NUTM2G: variants seen among roughly 807,000 people sequenced by gnomAD.
NUTM2G encodes the protein family with sequence similarity 22, member G.
In NUTM2G, 29 loss-of-function variants were observed where a neutral mutation model predicts 44.3. That is an observed-to-expected ratio of 0.66 (90% CI 0.49 to 0.89). The LOEUF is 0.89. Among genes scored for constraint, NUTM2G ranks in the 40% least tolerant of loss-of-function variants. NUTM2G has a pLI of 0.00. For missense variants in NUTM2G, 502 were observed against 946.5 expected, an observed-to-expected ratio of 0.53 and a Z score of 6.16; for synonymous variants, 205 against 395.9, an observed-to-expected ratio of 0.52 and a Z score of 5.72.
At chr9:96,940,827 T>C (rs1259516595), downstream of NUTM2G, among the ~76,000 whole-genome samples, 2 of 152,274 alleles carry the variant, frequency 1.3e-5, no homozygotes, top group African/African-American at 2.4e-5. Context: ...GCCAGACAGA[T>C]GCCTCTCTGC....
At chr9:96,933,041 G>T (rs572723893) in intron 2 of NUTM2G, among the ~76,000 whole-genome samples, 9 of 147,968 alleles carry the variant, frequency 6.1e-5, no homozygotes, top group Admixed American at 6.1e-4. Context: ...GCAGTGGCGT[G>T]ATCTCGGCTC....
At chr9:96,930,872 GTTTTTTTTTTTTTTTTT>G (rs1168888338) in intron 1 of NUTM2G, among the ~76,000 whole-genome samples, 152 of 72,652 alleles carry the variant, frequency 2.1e-3, no homozygotes, top group Middle Eastern at 7.8e-3. Context: ...CCATCCAGTG[GTTTTTTTTTTTTTTTTT>G]TTTTTTTTTT....
At chr9:96,935,990 C>T (rs942548395) in intron 3 of NUTM2G, among the ~76,000 whole-genome samples, 8 of 149,922 alleles carry the variant, frequency 5.3e-5, no homozygotes, top group Non-Finnish European at 7.4e-5. Context: ...GCCCTGTCCT[C>T]TGGGCTCAGC....
rs1325764880 is a variant in NUTM2G, at chr9:96,937,107, C to T, written c.1026C>T (p.Cys342=). 2 of 1,611,416 alleles carry T rather than the reference C, an allele frequency of 1.2e-6. No individual in the cohort carries two copies. Among genetic ancestry groups the T allele is most frequent in the African/African-American group, 1.3e-5 (1 of 74,942 alleles). ...SKDGPKAPTA[C]LPPPRPQRPA... ...ATGGCCCCAAGGCCCCGACTGCCTGCCTGCCACCACCCAGGCCCCAGAGGC... is the reference window on the plus strand; with the variant it reads ...ATGGCCCCAAGGCCCCGACTGCCTGTCTGCCACCACCCAGGCCCCAGAGGC... The change falls in exon 5 of 7, where the codon TGC becomes TGT. Residue 342 remains cysteine, a synonymous_variant. Coordinates refer to ENST00000372322, the MANE Select transcript of NUTM2G (RefSeq NM_001170741.3).
In NUTM2G at chr9:96,936,493, G is replaced by A; in HGVS notation, c.911G>A (p.Ser304Asn). The change falls in exon 4 of 7, where the codon AGC becomes AAC. Residue 304 changes from serine (S) to asparagine (N), a missense_variant. Coordinates refer to ENST00000372322, the MANE Select transcript of NUTM2G (RefSeq NM_001170741.3). ...TCGCAGTGGATGAAGGGGCCCCAGAGCCTGCCTCCTCCAGCCCCGCCGAGG... is the reference window on the plus strand; with the variant it reads ...TCGCAGTGGATGAAGGGGCCCCAGAACCTGCCTCCTCCAGCCCCGCCGAGG... ...QKSQWMKGPQ[S>N]LPPPAPPRLE... 1.3e-6 allele frequency: 2 copies of A among 1,553,782 alleles called. No homozygotes were observed. Among genetic ancestry groups the A allele is most frequent in the Non-Finnish European group, 8.6e-7 (1 of 1,157,282 alleles).
intron 1 of NUTM2G, among the ~76,000 whole-genome samples, chr9:96,930,250 C>T (rs1194548636): frequency 2.6e-5 from 4 of 152,064 alleles, no homozygotes; most frequent in South Asian, 2.1e-4. Flanking sequence ...CCTGGCCGGG[C>T]GCGGTGGCTC....
At chr9:96,929,081 C>A (rs1461697226) in intron 1 of NUTM2G, 41 bp downstream of exon 1, 2 of 1,610,866 alleles carry the variant, frequency 1.2e-6, no homozygotes, top group Admixed American at 1.7e-5. Flanking sequence ...GTCTGCCTTG[C>A]CTCAACTCCT....
chr9:96,938,632 C>T lies in NUTM2G; in HGVS notation c.1709C>T (p.Pro570Leu). ...PAVLLGCQDS[P>L]RLKAVRPTSP... Reference sequence around the variant, plus strand: ...GTGCTTTTGGGATGTCAGGACTCCCCCAGGCTGAAGGCTGTCCGGCCAACC... The same window carrying T: ...GTGCTTTTGGGATGTCAGGACTCCCTCAGGCTGAAGGCTGTCCGGCCAACC... The change falls in exon 7 of 7, where the codon CCC becomes CTC. Residue 570 changes from proline to leucine, a missense_variant. Transcript: ENST00000372322. 1 of 1,600,348 alleles carries T rather than the reference C, an allele frequency of 6.2e-7. No homozygotes were observed. The highest frequency in any genetic ancestry group is 1.5e-5 in the African/African-American group (1 of 67,290).
chr9:96,936,684 G>C (rs1826442999), intron 4 of NUTM2G, 120 bp downstream of exon 4: 14 of 1,463,854 alleles, frequency 9.6e-6, no homozygotes, highest in Non-Finnish European at 1.3e-5. Context: ...CAACAGGACA[G>C]CTTCCGGGAC....
intron 4 of NUTM2G, among the ~76,000 whole-genome samples, 160 bp from the exon 5 acceptor site, chr9:96,936,904 G>T (rs1457796031): frequency 3.9e-5 from 6 of 152,224 alleles, no homozygotes; most frequent in Admixed American, 2.0e-4. Context: ...TGCTGTCTCA[G>T]ATGTGCCCCT....
At chr9:96,942,930 T>C (rs1159524645), downstream of NUTM2G, 2 of 105,186 alleles carry the variant, frequency 1.9e-5, no homozygotes, top group Admixed American at 8.0e-5. Flanking sequence ...ATACAGGCTT[T>C]ATTTACTCCT....
At chr9:96,930,247 G>A (rs1433274396) in intron 1 of NUTM2G, among the ~76,000 whole-genome samples, 7 of 152,168 alleles carry the variant, frequency 4.6e-5, no homozygotes, top group Non-Finnish European at 7.4e-5. Context: ...ATCCCTGGCC[G>A]GGCGCGGTGG....
chr9:96,931,974 G>A lies in NUTM2G; in HGVS notation c.269G>A (p.Gly90Glu), dbSNP rs761600549. The A allele has an allele frequency of 1.4e-5, 22 of 1,611,618 alleles. No homozygotes were observed. The highest frequency in any genetic ancestry group is 1.8e-5 in the Non-Finnish European group (21 of 1,179,798). Reference protein sequence around the residue: ...NVFVQMRTEVGPVKPPQAQTL... With the variant: ...NVFVQMRTEVEPVKPPQAQTL... ...TTTGTCCAGATGAGGACAGAAGTGG[G>A]GCCTGTGAAGCCCCCTCAGGCACAG... Residue 90 changes from glycine (G) to glutamate (E), a missense_variant, in exon 2 of 7, where the codon GGG becomes GAG. Gly to Glu is a moderately conservative substitution (Grantham distance 98). Transcript: ENST00000372322.
rs536401391 is a variant in NUTM2G, at chr9:96,930,342, G to A, written c.16+1302G>A. Reference sequence around the variant, plus strand: ...AGTTCAAGACCAGCCTGACCAATATGGTGAAACCCCGTCTCTACTAAAAAT... The same window carrying A: ...AGTTCAAGACCAGCCTGACCAATATAGTGAAACCCCGTCTCTACTAAAAAT... On this transcript the variant is annotated intron_variant, in intron 1 of 6. Coordinates refer to ENST00000372322, the MANE Select transcript of NUTM2G (RefSeq NM_001170741.3). Among the ~76,000 whole-genome samples, 14 of 152,238 alleles carry A rather than the reference G, an allele frequency of 9.2e-5. No individual in the cohort carries two copies. The South Asian group carries it at 2.9e-3, about 32-fold the overall frequency.
intron 1 of NUTM2G, among the ~76,000 whole-genome samples, chr9:96,931,490 T>A (rs1387440080): frequency 1.3e-5 from 2 of 151,444 alleles, no homozygotes; most frequent in Admixed American, 1.3e-4. Flanking sequence ...AAGGCTTGGC[T>A]GTTTCTTCTT....
intron 1 of NUTM2G, among the ~76,000 whole-genome samples, chr9:96,929,794 C>T (rs532499282): frequency 4.6e-5 from 7 of 152,210 alleles, no homozygotes; most frequent in Admixed American, 2.0e-4. Flanking sequence ...GCTCGTGGCC[C>T]GTCCTCTGTA....
Position 96,931,378 on chromosome 9 carries a change from C to G in NUTM2G, c.17-344C>G, listed in dbSNP as rs554863720. Among the ~76,000 whole-genome samples the G allele has an allele frequency of 3.3e-5, 5 of 150,618 alleles. 1 individual carries two copies. Among genetic ancestry groups the G allele is most frequent in the African/African-American group, 1.2e-4 (5 of 40,868 alleles). On this transcript the variant is annotated intron_variant, in intron 1 of 6. Transcript: ENST00000372322. ...CTGCTGCTGAGCACACTGAGAGCCA[C>G]CAAGCCACCGAGAGACTCATCCCTG...
intron 1 of NUTM2G, 130 bp downstream of exon 1, chr9:96,929,170 A>T: frequency 6.8e-7 from 1 of 1,472,600 alleles, no homozygotes; most frequent in Non-Finnish European, 9.4e-7. Context: ...CCCCAAGGAC[A>T]TCACACCTGG....
intron 1 of NUTM2G, among the ~76,000 whole-genome samples, chr9:96,930,923 C>A: frequency 1.1e-5 from 1 of 94,360 alleles, no homozygotes; most frequent in South Asian, 3.9e-4. Context: ...GAGACGGAGT[C>A]TCGCTCTGTC....
Sources: allele counts gnomAD v4.1 joint callset (sites outside exome capture counted in the v4.1 genomes callset), GRCh38; gene constraint gnomAD v4.1.1; transcripts MANE v1.5; gene names NCBI Gene and HGNC (gene_info 2026-07-23, HGNC 2026-07-21).